SCML4: variants seen among roughly 807,000 people sequenced by gnomAD.
The protein encoded by SCML4 is Scm polycomb group protein like 4, also known as sex comb on midleg-like protein 4.
A neutral mutation model predicts 41.1 loss-of-function variants in SCML4; 34 were observed. The ratio of observed to expected loss-of-function variants is 0.83; its 90% CI spans 0.63 to 1.10. The LOEUF is 1.10. Among genes scored for constraint, SCML4 ranks in the 50% least tolerant of loss-of-function variants. SCML4 has a pLI of 0.00. For synonymous variants in SCML4, 214 were observed against 220.9 expected, an observed-to-expected ratio of 0.97 and a Z score of 0.28; for missense variants, 522 against 534.1, an observed-to-expected ratio of 0.98 and a Z score of 0.22.
rs527602786 is a variant in SCML4 at position 107,802,796 on chromosome 6, C to T, written c.-60+21330G>A. ...CCACGGTCTCCCCCTGATGCCGAGC[C>T]AAAGCTGGACTGTACTGCTGCCATC... On this transcript the variant is annotated intron_variant, in intron 1 of 7. Coordinates refer to ENST00000369020, the MANE Select transcript of SCML4 (RefSeq NM_198081.5). 7.2e-4 allele frequency among the ~76,000 whole-genome samples: 108 copies of T among 150,486 alleles called. 1 individual carries two copies. Among genetic ancestry groups the T allele is most frequent in the African/African-American group, 2.6e-3 (105 of 41,044 alleles).
At chr6:107,755,828 T>C (rs1352646134) in intron 2 of SCML4, among the ~76,000 whole-genome samples, 1 of 152,208 alleles carries the variant, frequency 6.6e-6, no homozygotes, top group Non-Finnish European at 1.5e-5. Context: ...ACTGGGAGCC[T>C]AGAGCATCTT....
intron 2 of SCML4, among the ~76,000 whole-genome samples, chr6:107,751,578 C>A (rs1243854791): frequency 1.4e-4 from 10 of 69,964 alleles, no homozygotes; most frequent in African/African-American, 5.8e-4. Flanking sequence ...AACAATCTTT[C>A]TTTCTTTCTT....
chr6:107,813,307 G>A (rs952575848), intron 1 of SCML4, among the ~76,000 whole-genome samples: 26 of 147,698 alleles, frequency 1.8e-4, no homozygotes, highest in Admixed American at 1.6e-3. Context: ...AGGCTGCAGT[G>A]AGCTGAGATC....
intron 5 of SCML4, among the ~76,000 whole-genome samples, chr6:107,736,458 G>A (rs188892618): frequency 7.9e-5 from 12 of 152,228 alleles, no homozygotes; most frequent in East Asian, 3.9e-4. Context: ...GCAAAGGGCC[G>A]GGGATGAGAA....
chr6:107,817,443 C>T (rs1286347637), intron 1 of SCML4, among the ~76,000 whole-genome samples: 1 of 151,868 alleles, frequency 6.6e-6, no homozygotes, highest in Non-Finnish European at 1.5e-5. Flanking sequence ...ATGGTGAAAC[C>T]CTGTCTCTAC....
the SCML4 span, among the ~76,000 whole-genome samples, chr6:107,845,932 GA>G: frequency 6.6e-6 from 1 of 152,204 alleles, no homozygotes; most frequent in Non-Finnish European, 1.5e-5. Flanking sequence ...ATGTTCCAGT[GA>G]AGGTCCTGTC....
At position 107,741,922 on chromosome 6, in the gene SCML4, T is replaced by C. The variant is rs117371126; in HGVS notation, c.682+3027A>G. Reference sequence around the variant, plus strand: ...GGCTGACAGGAAACCGTGATCTCCCTAAATGGGCAAGGCAAGGGACCAGAA... The same window carrying C: ...GGCTGACAGGAAACCGTGATCTCCCCAAATGGGCAAGGCAAGGGACCAGAA... On this transcript the variant is annotated intron_variant, in intron 5 of 7. Coordinates refer to ENST00000369020, the MANE Select transcript of SCML4 (RefSeq NM_198081.5). Among the ~76,000 whole-genome samples the C allele has an allele frequency of 4.3e-3, 649 of 152,324 alleles. 10 individuals are homozygous for C. The East Asian group carries it at 0.063, about 15-fold the overall frequency.
chr6:107,703,170 C>G lies in SCML4; in HGVS notation c.*2030G>C, dbSNP rs916943270. Among the ~76,000 whole-genome samples the G allele has an allele frequency of 1.3e-5, 2 of 152,180 alleles. No homozygotes were observed. The highest frequency in any genetic ancestry group is 3.8e-4 in the East Asian group (2 of 5,200). ...AAACATAAAAATGGGCAACCAGCAGCCCTCAGAGCTGCTTTGACTATGGGG... is the reference window on the plus strand; with the variant it reads ...AAACATAAAAATGGGCAACCAGCAGGCCTCAGAGCTGCTTTGACTATGGGG... On this transcript the variant is annotated 3_prime_UTR_variant, in exon 8 of 8. Coordinates refer to ENST00000369020, the MANE Select transcript of SCML4 (RefSeq NM_198081.5).
At chr6:107,758,210 G>A (rs140593353) in intron 2 of SCML4, among the ~76,000 whole-genome samples, 2 of 152,336 alleles carry the variant, frequency 1.3e-5, no homozygotes, top group Non-Finnish European at 2.9e-5. Flanking sequence ...GGTGACCAGG[G>A]TAGGCCTATA....
intron 1 of SCML4, among the ~76,000 whole-genome samples, chr6:107,817,833 G>A (rs1784664941): frequency 6.6e-6 from 1 of 151,946 alleles, no homozygotes; most frequent in African/African-American, 2.4e-5. Flanking sequence ...CCCAAATCGA[G>A]TACTAACTTC....
rs80217396 is a variant in SCML4, at chr6:107,753,748, A to G, written c.157-3935T>C. On this transcript the variant is annotated intron_variant, in intron 2 of 7. Coordinates refer to ENST00000369020, the MANE Select transcript of SCML4 (RefSeq NM_198081.5). ...AAAATAATCCAGTAGAGAGAGAAAA[A>G]TTGATTGTACAGAAGAGTGTGTGGA... 5.1e-3 allele frequency among the ~76,000 whole-genome samples: 783 copies of G among 152,322 alleles called. 11 individuals carry two copies. The East Asian group carries it at 0.063, about 12-fold the overall frequency.
intron 1 of SCML4, among the ~76,000 whole-genome samples, chr6:107,811,402 T>C (rs959506322): frequency 1.3e-5 from 2 of 152,214 alleles, no homozygotes; most frequent in African/African-American, 4.8e-5. Context: ...GTATTTTATA[T>C]TACTTTCTGA....
At chr6:107,724,380 GA>G (rs1775747025) in intron 5 of SCML4, among the ~76,000 whole-genome samples, 1 of 152,106 alleles carries the variant, frequency 6.6e-6, no homozygotes, top group African/African-American at 2.4e-5. Context: ...TTATGTGTAC[GA>G]AATCCTAAGG....
chr6:107,780,378 T>A (rs1562251657), intron 1 of SCML4, among the ~76,000 whole-genome samples: 1 of 152,144 alleles, frequency 6.6e-6, no homozygotes, highest in Non-Finnish European at 1.5e-5. Flanking sequence ...ATTCTTAGCG[T>A]CAAATTTTTC....
At chr6:107,787,510 A>G (rs1184357046) in intron 1 of SCML4, among the ~76,000 whole-genome samples, 2 of 152,078 alleles carry the variant, frequency 1.3e-5, no homozygotes, top group Non-Finnish European at 2.9e-5. Flanking sequence ...TTTGTTCTCT[A>G]TTTATACTTT....
rs150967397 is a variant in SCML4 at position 107,824,158 on chromosome 6, T to C, written c.-92A>G. ...TTGTTCACCAGAGCCCTGAGCAGGT[T>C]GTTTACCAGGTCGGGAGTGTTGACT... On this transcript the variant is annotated 5_prime_UTR_variant, in exon 1 of 8. Transcript: ENST00000369020. 4 of 152,330 alleles carry C rather than the reference T, an allele frequency of 2.6e-5. No homozygotes were observed. Among genetic ancestry groups the C allele is most frequent in the Non-Finnish European group, 5.9e-5 (4 of 68,040 alleles). 9.4% of individuals were successfully genotyped at this position (152,330 alleles called of 1,614,324 possible). A position where few individuals can be genotyped will look rare whatever the true frequency, so the allele number is the denominator to read the frequency against.
intron 6 of SCML4, among the ~76,000 whole-genome samples, chr6:107,716,198 G>A (rs1444128367): frequency 1.1e-4 from 17 of 152,164 alleles, no homozygotes; most frequent in Admixed American, 6.5e-5. Context: ...CTGCAAATGT[G>A]AAAAGGCCCT....
At chr6:107,776,014 A>G (rs1217742622) in intron 1 of SCML4, among the ~76,000 whole-genome samples, 1 of 152,086 alleles carries the variant, frequency 6.6e-6, no homozygotes, top group Non-Finnish European at 1.5e-5. Flanking sequence ...CCCAACACTT[A>G]AATATACATA....
At chr6:107,807,406 G>A (rs1049899455) in intron 1 of SCML4, among the ~76,000 whole-genome samples, 7 of 152,258 alleles carry the variant, frequency 4.6e-5, no homozygotes, top group East Asian at 3.9e-4. Context: ...TTTAATGGCC[G>A]CTGAGGGCCA....
Sources: gnomAD v4.1 joint callset for allele counts (sites outside exome capture counted in the v4.1 genomes callset) on GRCh38, gnomAD v4.1.1 for gene constraint, MANE v1.5 for transcripts, NCBI Gene and HGNC (gene_info 2026-07-23, HGNC 2026-07-21) for gene names.